Variants in ACADVL observed in about 807,000 individuals in gnomAD.
ACADVL encodes the protein very long-chain acyl-CoA dehydrogenase, mitochondrial.
In ACADVL, 73 loss-of-function variants were observed where a neutral mutation model predicts 80.4. That is an observed-to-expected ratio of 0.91 (90% confidence interval 0.75 to 1.10). The LOEUF (loss-of-function observed/expected upper bound fraction) is 1.10, where lower values mean the gene tolerates loss of function less well. Among genes scored for constraint, ACADVL ranks in the 50% least tolerant of loss-of-function variants. The probability of loss-of-function intolerance (pLI) is 0.00; values close to 1 mark genes in which losing one functional copy is unlikely to be tolerated. For missense variants in ACADVL, 878 were observed against 858.9 expected (o/e 1.02, Z -0.28); for synonymous variants, 392 against 326.5 (o/e 1.20, Z -2.16).
Position 7,222,417 on chromosome 17 carries a change from G to A in ACADVL, c.878+115G>A, listed in dbSNP as rs954832200. ...GTGCAAAAGCCAAAGCAGGTGGACTGAATGTGGCCTTTGGGACTAATATGT... is the reference window on the plus strand; with the variant it reads ...GTGCAAAAGCCAAAGCAGGTGGACTAAATGTGGCCTTTGGGACTAATATGT... On this transcript the variant is annotated intron_variant, in intron 9 of 19. Transcript: ENST00000356839. The A allele has an allele frequency of 8.2e-6, 12 of 1,466,552 alleles. No homozygotes were observed. In the East Asian group the frequency reaches 1.6e-4, roughly 20 times the overall value. The allele number at this position is 1,466,552 out of a possible 1,614,324, so 90.8% of individuals were successfully genotyped here.
upstream of ACADVL, chr17:7,217,554 A>T: frequency 1.8e-5 from 2 of 111,700 alleles, no homozygotes; most frequent in Non-Finnish European, 2.1e-5. Context: ...GTGGCGGGGG[A>T]GTGGGGTGGG....
chr17:7,217,548 CGGGGGAGTGGGGTG>C, upstream of ACADVL: 1 of 183,426 alleles, frequency 5.5e-6, no homozygotes, highest in Non-Finnish European at 6.2e-6. Flanking sequence ...GGGGCCGTGG[CGGGGGAGTGGGGTG>C]GGGGGGTTGG....
At chr17:7,221,314 G>A (rs918708705) in intron 6 of ACADVL, 35 of 918,604 alleles carry the variant, frequency 3.8e-5, no homozygotes, top group East Asian at 1.6e-4. Context: ...AGACTGACTA[G>A]TAGCAAGTCA....
In ACADVL at chr17:7,220,446, A is replaced by C; in HGVS notation, c.139-18A>C. ...CGGAAGTCCCTTCCCTGAACTTGCT[A>C]ACCGTCTCTTTTCCCAGCTGGCTCT... On this transcript the variant is annotated intron_variant, in intron 2 of 19. Transcript: ENST00000356839. The C allele has an allele frequency of 1.2e-6, 2 of 1,614,138 alleles. No individual in the cohort carries two copies. The highest frequency in any genetic ancestry group is 1.7e-6 in the Non-Finnish European group (2 of 1,179,996).
In ACADVL at chr17:7,221,527, T is replaced by C; in HGVS notation, c.478-11T>C. On this transcript the variant is annotated splice_polypyrimidine_tract_variant and intron_variant, in intron 6 of 19. Coordinates refer to ENST00000356839, the MANE Select transcript of ACADVL (RefSeq NM_000018.4). ...GCCAGTGACAACCCCAGATTCCTGC[T>C]TCCCCTCCAGTACGCCCGTTTGGTG... 6.2e-7 allele frequency: 1 copy of C among 1,614,092 alleles called. No homozygotes were observed. Among genetic ancestry groups the C allele is most frequent in the East Asian group, 2.2e-5 (1 of 44,874 alleles).
chr17:7,219,909 G>T, upstream of ACADVL: 1 of 1,560,426 alleles, frequency 6.4e-7, no homozygotes. Context: ...CAGGGTTAGG[G>T]GCGCCAGGAC....
chr17:7,219,242 A>G, upstream of ACADVL: 1 of 370,218 alleles, frequency 2.7e-6, no homozygotes, highest in South Asian at 4.9e-5. Flanking sequence ...TTTACGGGTA[A>G]GAGGCAGGAG....
chr17:7,221,899 G>C, intron 7 of ACADVL, 53 bp from the exon 8 acceptor site: 1 of 1,613,608 alleles, frequency 6.2e-7, no homozygotes, highest in South Asian at 1.1e-5. Context: ...AGTGGGCCGA[G>C]GGGACTTTGA....
upstream of ACADVL, chr17:7,217,591 G>T: frequency 7.2e-7 from 1 of 1,386,836 alleles, no homozygotes; most frequent in South Asian, 1.4e-5. Flanking sequence ...GCGGCCGAGG[G>T]AGCCGTGGAG....
At chr17:7,221,857 T>A (rs1567563678) in intron 7 of ACADVL, 95 bp from the exon 8 acceptor site, 12 of 1,604,330 alleles carry the variant, frequency 7.5e-6, no homozygotes, top group Non-Finnish European at 9.4e-6. Context: ...TCCCAGGTGT[T>A]AAGGGGGAAC....
rs754756970 is a variant in ACADVL, at chr17:7,221,545, G to A, written c.485G>A (p.Arg162His). The change falls in exon 7 of 20, where the codon CGT becomes CAT. Residue 162 changes from arginine (R) to histidine (H), a missense_variant. Coordinates refer to ENST00000356839, the MANE Select transcript of ACADVL (RefSeq NM_000018.4). ...TTCCTGCTTCCCCTCCAGTACGCCC[G>A]TTTGGTGGAGATCGTGGGCATGCAT... ...GVGLCNTQYA[R>H]LVEIVGMHDL... 9.9e-6 allele frequency: 16 copies of A among 1,614,032 alleles called. No individual in the cohort carries two copies. Among genetic ancestry groups the A allele is most frequent in the African/African-American group, 6.7e-5 (5 of 74,924 alleles).
At chr17:7,223,268 G>GC (rs750519195) in intron 11 of ACADVL, 31 bp downstream of exon 11, 14 of 1,581,216 alleles carry the variant, frequency 8.9e-6, no homozygotes, top group African/African-American at 1.3e-5. Flanking sequence ...TCTCCCTGGA[G>GC]CCCTGGGGCT....
At position 7,224,348 on chromosome 17, in the gene ACADVL, T is replaced by C; in HGVS notation, c.1560T>C (p.Ser520=). The part of the protein sequence containing the change: ...RRRAGLGSGL[S]LSGLVHPELS... Reference sequence around the variant, plus strand: ...GGGCAGGGCTGGGCAGCGGCCTGAGTCTCAGCGGACTTGTCCACCCGGAGT... The same window carrying C: ...GGGCAGGGCTGGGCAGCGGCCTGAGCCTCAGCGGACTTGTCCACCCGGAGT... The change falls in exon 16 of 20, where the codon AGT becomes AGC. Residue 520 remains serine, a synonymous_variant. Transcript: ENST00000356839. 1 of 1,613,734 alleles carries C rather than the reference T, an allele frequency of 6.2e-7. No homozygotes were observed. The highest frequency in any genetic ancestry group is 8.5e-7 in the Non-Finnish European group (1 of 1,179,942).
At position 7,220,518 on chromosome 17, in the gene ACADVL, C is replaced by A; in HGVS notation, c.193C>A (p.Pro65Thr). The A allele has an allele frequency of 2.5e-6, 4 of 1,614,208 alleles. No individual in the cohort carries two copies. The highest frequency in any genetic ancestry group is 1.1e-5 in the South Asian group (1 of 91,088). Residue 65 changes from proline (P) to threonine (T), a missense_variant, in exon 3 of 20, where the codon CCG becomes ACG. Pro to Thr is a conservative substitution (Grantham distance 38). Transcript: ENST00000356839. ...CTCTGACGCTCTGACCAGGAAAAAA[C>A]CGGCCAAGGCGGTAGGTAGCCCCGA... ...HPSDALTRKK[P>T]AKAESKSFAV...
rs368009800 is a variant in ACADVL, at chr17:7,224,786, T to C, written c.1752-23T>C. 4.6e-5 allele frequency: 75 copies of C among 1,613,790 alleles called. No individual in the cohort carries two copies. The East Asian group carries it at 7.1e-4, about 15-fold the overall frequency. On this transcript the variant is annotated intron_variant, in intron 18 of 19. Transcript: ENST00000356839. ...TGGATCCCAGCCGGCCCAGATTTAT[T>C]TTCATCTCCTGCTTCCTGCCAGGGC...
upstream of ACADVL, chr17:7,219,213 G>C: frequency 3.0e-6 from 1 of 333,502 alleles, no homozygotes; most frequent in Non-Finnish European, 5.2e-6. Flanking sequence ...TCCTGCCCTA[G>C]GGCTAGAGAA....
rs1464700945 is a variant in ACADVL at position 7,225,192 on chromosome 17, C to G, written c.*95C>G. 13 of 1,551,538 alleles carry G rather than the reference C, an allele frequency of 8.4e-6. No homozygotes were observed. Among genetic ancestry groups the G allele is most frequent in the Non-Finnish European group, 1.1e-5 (13 of 1,132,118 alleles). ...AGGCCCTGGTTTGTCCCGAAGGGGCCTAGTGTTCCCAGCACTGTGCCTGCT... is the reference window on the plus strand; with the variant it reads ...AGGCCCTGGTTTGTCCCGAAGGGGCGTAGTGTTCCCAGCACTGTGCCTGCT... On this transcript the variant is annotated 3_prime_UTR_variant, in exon 20 of 20. Transcript: ENST00000356839.
At chr17:7,219,229 G>C, upstream of ACADVL, 1 of 336,272 alleles carries the variant, frequency 3.0e-6, no homozygotes, top group Non-Finnish European at 4.9e-6. Context: ...GAGAAGTTGG[G>C]GTTTTACGGG....
chr17:7,217,241 G>T (rs532873127), upstream of ACADVL: 18 of 1,220,292 alleles, frequency 1.5e-5, no homozygotes, highest in South Asian at 3.7e-5. Flanking sequence ...TCCCCCCTCC[G>T]CACCCCACTT....
Sources: allele counts gnomAD v4.1 joint callset, GRCh38; gene constraint gnomAD v4.1.1; transcripts MANE v1.5; gene names NCBI Gene and HGNC (gene_info 2026-07-23, HGNC 2026-07-21).